Variants in ADAMTSL3 observed in about 807,000 individuals in gnomAD.
The protein encoded by ADAMTSL3 is ADAMTS-like protein 3.
ADAMTSL3 carries 128 observed loss-of-function variants against 201.7 expected under a neutral mutation model. The observed-to-expected ratio is 0.63, with a 90% CI of 0.55 to 0.73. The LOEUF (loss-of-function observed/expected upper bound fraction) is 0.73, where lower values mean the gene tolerates loss of function less well. ADAMTSL3 is among the 30% of genes least tolerant of loss of function. ADAMTSL3 has a pLI of 0.00. For missense variants in ADAMTSL3, 1,990 were observed against 2,119.6 expected (o/e 0.94, Z 1.20); for synonymous variants, 738 against 748.4 (o/e 0.99, Z 0.23).
chr15:83,659,622 C>A (rs1474916890), intron 2 of ADAMTSL3, among the ~76,000 whole-genome samples: 1 of 152,092 alleles, frequency 6.6e-6, no homozygotes, highest in Admixed American at 6.5e-5. Context: ...CCTAATGACC[C>A]CCAGATATGT....
intron 23 of ADAMTSL3, among the ~76,000 whole-genome samples, chr15:83,998,617 G>T (rs2067733186): frequency 6.6e-6 from 1 of 152,134 alleles, no homozygotes; most frequent in South Asian, 2.1e-4. Context: ...GAGGGGATTT[G>T]AACAGCCTTA....
At chr15:83,822,186 C>T (rs2063887251) in intron 6 of ADAMTSL3, among the ~76,000 whole-genome samples, 1 of 150,156 alleles carries the variant, frequency 6.7e-6, no homozygotes, top group Non-Finnish European at 1.5e-5. Flanking sequence ...TGACCCCCAC[C>T]TCCCTCCCGG....
intron 20 of ADAMTSL3, among the ~76,000 whole-genome samples, chr15:83,971,582 G>A (rs1167788607): frequency 2.1e-3 from 269 of 131,152 alleles, no homozygotes; most frequent in Middle Eastern, 3.8e-3. Flanking sequence ...AAAAAAGAAA[G>A]AAAGAAAAAA....
At chr15:83,881,464 A>T (rs905778215) in intron 9 of ADAMTSL3, among the ~76,000 whole-genome samples, 1 of 152,226 alleles carries the variant, frequency 6.6e-6, no homozygotes, top group African/African-American at 2.4e-5. Context: ...TGTCATGCCA[A>T]ATTTGCTCAC....
At chr15:83,887,647 G>A (rs995874931) in intron 10 of ADAMTSL3, among the ~76,000 whole-genome samples, 1 of 152,156 alleles carries the variant, frequency 6.6e-6, no homozygotes, top group South Asian at 2.1e-4. Context: ...TTAGAGGCAG[G>A]TCTCACCAAG....
intron 2 of ADAMTSL3, among the ~76,000 whole-genome samples, chr15:83,668,835 T>G (rs1009711831): frequency 6.6e-6 from 1 of 152,236 alleles, no homozygotes; most frequent in Non-Finnish European, 1.5e-5. Context: ...GGCTCTGCTC[T>G]GTGTGTCTCC....
rs953061348 is a variant in ADAMTSL3 at position 84,038,362 on chromosome 15, G to C, written c.*556G>C. On this transcript the variant is annotated 3_prime_UTR_variant, in exon 30 of 30. Transcript: ENST00000286744. Reference sequence around the variant, plus strand: ...CTCTGGATAGGCTGTCACACTGACTGACCTAAGGGTTCATGGAAGCATGGC... The same window carrying C: ...CTCTGGATAGGCTGTCACACTGACTCACCTAAGGGTTCATGGAAGCATGGC... The C allele has an allele frequency of 3.3e-5, 5 of 152,404 alleles. No individual in the cohort carries two copies. Among genetic ancestry groups the C allele is most frequent in the African/African-American group, 1.2e-4 (5 of 41,462 alleles). 9.4% of individuals were successfully genotyped at this position (152,404 alleles called of 1,614,324 possible).
chr15:83,725,407 C>T (rs1390299480), intron 3 of ADAMTSL3, among the ~76,000 whole-genome samples: 5 of 152,128 alleles, frequency 3.3e-5, no homozygotes, highest in Admixed American at 3.3e-4. Context: ...TTGATGTGAT[C>T]CCACTTGTCT....
At chr15:83,822,643 C>A (rs1305195031) in intron 6 of ADAMTSL3, among the ~76,000 whole-genome samples, 3 of 150,742 alleles carry the variant, frequency 2.0e-5, no homozygotes, top group Non-Finnish European at 4.4e-5. Context: ...GGATGGTGGC[C>A]GGGAAGAGGC....
rs531481993 is a variant in ADAMTSL3 at position 83,885,873 on chromosome 15, C to T, written c.1072+661C>T. Among the ~76,000 whole-genome samples, 49 of 152,180 alleles carry T rather than the reference C, an allele frequency of 3.2e-4. No homozygotes were observed. The Middle Eastern group carries it at 0.014, about 42-fold the overall frequency. ...CTGAGTAGCTGGGATTACAGGTGCC[C>T]ACCACCATGCCTGGCTAATTTTTGT... On this transcript the variant is annotated intron_variant, in intron 10 of 29. Coordinates refer to ENST00000286744, the MANE Select transcript of ADAMTSL3 (RefSeq NM_207517.3).
At chr15:83,947,054 A>G (rs758797228) in intron 19 of ADAMTSL3, among the ~76,000 whole-genome samples, 4 of 152,240 alleles carry the variant, frequency 2.6e-5, no homozygotes, top group Non-Finnish European at 4.4e-5. Context: ...TTTCTACTGG[A>G]TGGAGCTTTC....
At chr15:83,943,909 C>G (rs2066608948) in intron 19 of ADAMTSL3, among the ~76,000 whole-genome samples, 1 of 152,100 alleles carries the variant, frequency 6.6e-6, no homozygotes, top group Non-Finnish European at 1.5e-5. Context: ...GAATACAGTC[C>G]AAGACCCCAG....
At chr15:83,852,581 C>G (rs12439361) in intron 7 of ADAMTSL3, among the ~76,000 whole-genome samples, 2,201 of 152,276 alleles carry the variant, frequency 0.014, 146 homozygotes, top group Admixed American at 0.12. Flanking sequence ...TTTCTCTTCT[C>G]TCTTCATAAT....
intron 9 of ADAMTSL3, among the ~76,000 whole-genome samples, chr15:83,884,402 G>A (rs1449202337): frequency 5.8e-5 from 8 of 137,598 alleles, no homozygotes; most frequent in African/African-American, 2.2e-4. Context: ...AGCCTCCTGA[G>A]TAGCTGGGAC....
chr15:83,998,041 CAAAA>C (rs1047868832), intron 23 of ADAMTSL3, among the ~76,000 whole-genome samples: 1 of 149,946 alleles, frequency 6.7e-6, no homozygotes, highest in Non-Finnish European at 1.5e-5. Context: ...AAAAAAAAAA[CAAAA>C]AAACTCTCTC....
chr15:83,875,475 G>A (rs111836557), intron 9 of ADAMTSL3, among the ~76,000 whole-genome samples: 115 of 152,336 alleles, frequency 7.5e-4, no homozygotes, highest in African/African-American at 2.5e-3. Flanking sequence ...CAAGGCAAAT[G>A]TGACCATGGT....
At chr15:83,696,589 T>C (rs910878350) in intron 2 of ADAMTSL3, among the ~76,000 whole-genome samples, 6 of 152,236 alleles carry the variant, frequency 3.9e-5, no homozygotes, top group African/African-American at 1.2e-4. Flanking sequence ...TCTTGTGTCG[T>C]CTGTCAGTGT....
intron 19 of ADAMTSL3, among the ~76,000 whole-genome samples, chr15:83,945,547 G>A (rs1669082740): frequency 6.6e-6 from 1 of 152,158 alleles, no homozygotes; most frequent in South Asian, 2.1e-4. Context: ...GCCTGGGTGG[G>A]CTAGTGTGTA....
intron 7 of ADAMTSL3, among the ~76,000 whole-genome samples, chr15:83,843,514 G>T (rs1278794850): frequency 6.6e-6 from 1 of 152,154 alleles, no homozygotes; most frequent in African/African-American, 2.4e-5. Flanking sequence ...AGCTGTTTTT[G>T]GCTGGGATTT....
Sources: gnomAD v4.1 joint callset for allele counts (sites outside exome capture counted in the v4.1 genomes callset) on GRCh38, gnomAD v4.1.1 for gene constraint, MANE v1.5 for transcripts, NCBI Gene and HGNC (gene_info 2026-07-23, HGNC 2026-07-21) for gene names.